The following PHF21B variants were observed in gnomAD, a reference collection of about 807,000 sequenced individuals.
PHF21B encodes the protein PHD finger protein 4.
PHF21B carries 22 observed loss-of-function variants against 62.2 expected under a neutral mutation model. That is an observed-to-expected ratio of 0.35 (90% CI 0.25 to 0.51). The LOEUF (loss-of-function observed/expected upper bound fraction) is 0.51. Among genes scored for constraint, PHF21B ranks in the 20% least tolerant of loss-of-function variants. The pLI is 0.97. For missense variants in PHF21B, 701 were observed against 707.9 expected, an observed-to-expected ratio of 0.99 and a Z score of 0.11; for synonymous variants, 341 against 314.7, an observed-to-expected ratio of 1.08 and a Z score of -0.88.
intron 6 of PHF21B, among the ~76,000 whole-genome samples, 157 bp downstream of exon 6, chr22:44,895,875 G>A (rs772130890): frequency 7.2e-5 from 11 of 152,260 alleles, no homozygotes; most frequent in South Asian, 4.1e-4. Context: ...CATCCGAGCC[G>A]GGACATCCTG....
chr22:44,996,854 A>C (rs926082471), intron 2 of PHF21B, among the ~76,000 whole-genome samples: 1 of 152,164 alleles, frequency 6.6e-6, no homozygotes, highest in African/African-American at 2.4e-5. Context: ...ACACATGCAC[A>C]CACACACATG....
intron 2 of PHF21B, among the ~76,000 whole-genome samples, chr22:44,949,838 A>C (rs1005034491): frequency 2.0e-5 from 3 of 149,890 alleles, no homozygotes; most frequent in Admixed American, 2.0e-4. Flanking sequence ...AAACGTTCTT[A>C]AGTTCAGGTG....
chr22:44,918,032 C>T (rs555727506), intron 3 of PHF21B, among the ~76,000 whole-genome samples: 6 of 152,384 alleles, frequency 3.9e-5, no homozygotes, highest in Non-Finnish European at 7.3e-5. Context: ...AAGCCTGCCA[C>T]TCTGTCCTTG....
intron 2 of PHF21B, among the ~76,000 whole-genome samples, chr22:44,982,960 G>A (rs4823428): frequency 0.9 from 136,308 of 152,204 alleles, 61,102 homozygotes; most frequent in Middle Eastern, 0.94. Context: ...ATGTATGCAA[G>A]GGGCCGGGCG....
At chr22:44,891,681 T>C (rs149314560) in intron 7 of PHF21B, among the ~76,000 whole-genome samples, 2 of 152,190 alleles carry the variant, frequency 1.3e-5, no homozygotes, top group Non-Finnish European at 2.9e-5. Context: ...ACATGGTGCA[T>C]GTTACATTCT....
intron 10 of PHF21B, among the ~76,000 whole-genome samples, chr22:44,886,990 A>G (rs1202953452): frequency 6.6e-6 from 1 of 151,940 alleles, no homozygotes; most frequent in Non-Finnish European, 1.5e-5. Context: ...CCCCATCTCT[A>G]CTAAAAATAC....
At position 45,009,667 on chromosome 22, in the gene PHF21B, G is replaced by C. The variant is rs2073389680; in HGVS notation, c.-118C>G. 1.0e-6 allele frequency: 1 copy of C among 966,090 alleles called. No individual in the cohort carries two copies. Among genetic ancestry groups the C allele is most frequent in the East Asian group, 3.2e-5 (1 of 31,330 alleles). The allele number at this position is 966,090 out of a possible 1,614,324, so 59.8% of individuals were successfully genotyped here. A position where few individuals can be genotyped will look rare whatever the true frequency, so the allele number is the denominator to read the frequency against. On this transcript the variant is annotated 5_prime_UTR_variant, in exon 1 of 13. Transcript: ENST00000313237. This position sits in a 1 kb window ranked among gnomAD's most constrained non-coding sequence, Gnocchi z 5.9. ...CGCGGCCTCCGGGCTGGGTTGGGGG[G>C]GACACGAGCCCCCTCCCCCACGGCC...
chr22:44,889,879 T>C lies in PHF21B; in HGVS notation c.1016-97A>G, dbSNP rs1340109536. 1.5e-6 allele frequency: 2 copies of C among 1,295,248 alleles called. 1 individual carries two copies. The highest frequency in any genetic ancestry group is 3.6e-5 in the South Asian group (2 of 55,442). The allele number at this position is 1,295,248 out of a possible 1,614,324, so 80.2% of individuals were successfully genotyped here. On this transcript the variant is annotated intron_variant, in intron 8 of 12. Transcript: ENST00000313237. Reference sequence around the variant, plus strand: ...TGAGGCCTCATGTGGCAAGGGCTCTTACCCCAGGGCATGATGGGAGCATCA... The same window carrying C: ...TGAGGCCTCATGTGGCAAGGGCTCTCACCCCAGGGCATGATGGGAGCATCA...
intron 2 of PHF21B, among the ~76,000 whole-genome samples, chr22:44,935,646 A>G (rs1459807600): frequency 1.3e-5 from 2 of 151,698 alleles, no homozygotes; most frequent in African/African-American, 4.8e-5. Context: ...AAAAAACAGA[A>G]GCACATGGCT....
chr22:44,949,301 CAAAAAAAAGAAAAAAAA>C (rs2072144801), intron 2 of PHF21B, among the ~76,000 whole-genome samples: 1 of 42,472 alleles, frequency 2.4e-5, no homozygotes, highest in African/African-American at 8.0e-5. Flanking sequence ...AACTCCATCT[CAAAAAAAAGAAAAAAAA>C]AAAAAAAGAA....
chr22:45,009,732 G>C lies in PHF21B; in HGVS notation c.-183C>G. 1 of 510,758 alleles carries C rather than the reference G, an allele frequency of 2.0e-6. No individual in the cohort carries two copies. Among genetic ancestry groups the C allele is most frequent in the Non-Finnish European group, 3.3e-6 (1 of 304,876 alleles). The allele number at this position is 510,758 out of a possible 1,614,324, so 31.6% of individuals were successfully genotyped here. On this transcript the variant is annotated 5_prime_UTR_variant, in exon 1 of 13. Transcript: ENST00000313237. This position sits in a 1 kb window ranked among gnomAD's most constrained non-coding sequence, Gnocchi z 5.9. ...CTGGCGAAGGGGAAGACAGGCTTCC[G>C]GGCGCCGCGGCGCCGAGCCCTCGGC...
At chr22:44,927,799 C>A (rs936252450) in intron 2 of PHF21B, among the ~76,000 whole-genome samples, 13 of 152,278 alleles carry the variant, frequency 8.5e-5, no homozygotes, top group Middle Eastern at 3.4e-3. Context: ...ATCTCAGACT[C>A]GATTTCACCA....
chr22:45,001,111 C>G (rs1256773797), intron 2 of PHF21B: 1 of 152,322 alleles, frequency 6.6e-6, no homozygotes, highest in Non-Finnish European at 1.5e-5. Context: ...TACCCTACAC[C>G]ATGGGAGACC....
At chr22:44,929,628 A>G (rs2147335512) in intron 2 of PHF21B, among the ~76,000 whole-genome samples, 1 of 152,268 alleles carries the variant, frequency 6.6e-6, no homozygotes, top group South Asian at 2.1e-4. Context: ...CCCACCTCCA[A>G]AGAAAGAGGG....
chr22:44,942,082 A>G (rs931297783), intron 2 of PHF21B, among the ~76,000 whole-genome samples: 5 of 152,224 alleles, frequency 3.3e-5, no homozygotes, highest in African/African-American at 1.2e-4. Flanking sequence ...GACATGGCAC[A>G]GCAAGTCTGG....
chr22:44,889,326 T>A (rs370603881), intron 9 of PHF21B, among the ~76,000 whole-genome samples: 92 of 151,742 alleles, frequency 6.1e-4, no homozygotes, highest in African/African-American at 2.1e-3. Context: ...GAAATGTGGG[T>A]GTGTGGGGTG....
intron 5 of PHF21B, among the ~76,000 whole-genome samples, chr22:44,903,441 T>C (rs959162986): frequency 6.6e-6 from 1 of 151,982 alleles, no homozygotes; most frequent in Admixed American, 6.6e-5. Context: ...AGTCTGCCGA[T>C]GCTCTGCTCA....
Position 44,896,089 on chromosome 22 carries a change from G to C in PHF21B, c.832-6C>G. The C allele has an allele frequency of 6.2e-7, 1 of 1,614,100 alleles. No homozygotes were observed. The highest frequency in any genetic ancestry group is 8.5e-7 in the Non-Finnish European group (1 of 1,180,004). ...GCTACCATGAAGGCGATTTTCTGAG[G>C]GAAGGAACAGACAAAGGAGCATTAA... On this transcript the variant is annotated splice_region_variant and splice_polypyrimidine_tract_variant and intron_variant, in intron 5 of 12. Coordinates refer to ENST00000313237, the MANE Select transcript of PHF21B (RefSeq NM_138415.5).
intron 2 of PHF21B, among the ~76,000 whole-genome samples, chr22:44,948,610 G>A (rs899167644): frequency 4.0e-5 from 6 of 151,462 alleles, no homozygotes; most frequent in African/African-American, 1.2e-4. Context: ...AGAATCGCTC[G>A]AACCCGGGAG....
Sources: allele counts gnomAD v4.1 joint callset (sites outside exome capture counted in the v4.1 genomes callset), GRCh38; gene constraint gnomAD v4.1.1; non-coding constraint Gnocchi (gnomAD v3.1); transcripts MANE v1.5; gene names NCBI Gene and HGNC (gene_info 2026-07-23, HGNC 2026-07-21).